MCC: variants seen among roughly 807,000 people sequenced by gnomAD.
MCC encodes the protein colorectal mutant cancer protein.
In MCC, 90 loss-of-function variants were observed where a neutral mutation model predicts 116.2. The observed-to-expected ratio is 0.77, with a 90% CI of 0.65 to 0.92. MCC has a LOEUF of 0.92. Among genes scored for constraint, MCC ranks in the 40% least tolerant of loss-of-function variants. The probability of loss-of-function intolerance (pLI) is 0.00; values close to 1 mark genes in which losing one functional copy is unlikely to be tolerated. For synonymous variants in MCC, 578 were observed against 510.5 expected, an observed-to-expected ratio of 1.13 and a Z score of -1.78; for missense variants, 1,516 against 1,312.2, an observed-to-expected ratio of 1.16 and a Z score of -2.40.
chr5:113,484,222 C>T (rs1772455420), intron 1 of MCC, among the ~76,000 whole-genome samples: 2 of 152,126 alleles, frequency 1.3e-5, no homozygotes, highest in South Asian at 4.2e-4. Flanking sequence ...CAACAAACCC[C>T]CACGACACAA....
chr5:113,484,830 C>T (rs751599392), intron 1 of MCC, among the ~76,000 whole-genome samples: 2 of 152,122 alleles, frequency 1.3e-5, no homozygotes, highest in African/African-American at 2.4e-5. Flanking sequence ...ATAGAGTAAC[C>T]TCCACCACCT....
At chr5:113,287,277 C>A (rs1054794920) in intron 3 of MCC, among the ~76,000 whole-genome samples, 1 of 152,154 alleles carries the variant, frequency 6.6e-6, no homozygotes, top group Non-Finnish European at 1.5e-5. Context: ...ATATAATTTT[C>A]ATTTTCTGTA....
chr5:113,180,018 A>G (rs1173965966), intron 3 of MCC, among the ~76,000 whole-genome samples: 2 of 152,048 alleles, frequency 1.3e-5, no homozygotes, highest in Non-Finnish European at 2.9e-5. Flanking sequence ...TGCCCTAGAG[A>G]TTTCTATTCT....
chr5:113,359,104 C>A (rs1284799346), intron 2 of MCC, among the ~76,000 whole-genome samples: 1 of 152,046 alleles, frequency 6.6e-6, no homozygotes, highest in Non-Finnish European at 1.5e-5. Context: ...GTTCCTTTGC[C>A]CTTTGTCTGT....
Position 113,268,936 on chromosome 5 carries a change from G to C in MCC, c.627+71583C>G, listed in dbSNP as rs181229993. Among the ~76,000 whole-genome samples the C allele has an allele frequency of 2.0e-5, 3 of 152,274 alleles. No homozygotes were observed. In the East Asian group the frequency reaches 5.8e-4, roughly 29 times the overall value. On this transcript the variant is annotated intron_variant, in intron 3 of 18. Transcript: ENST00000408903. ...CACGACAGGAATATTAACGGTGACT[G>C]ATGTTATCTATAAAAGCTAGGCTTT...
At chr5:113,195,011 C>T (rs548516652) in intron 3 of MCC, among the ~76,000 whole-genome samples, 12 of 152,294 alleles carry the variant, frequency 7.9e-5, no homozygotes, top group Admixed American at 2.6e-4. Context: ...CTGAATAGAA[C>T]CAGGCTGCCC....
At chr5:113,129,094 A>G (rs1033053196) in intron 5 of MCC, among the ~76,000 whole-genome samples, 1 of 152,154 alleles carries the variant, frequency 6.6e-6, no homozygotes, top group African/African-American at 2.4e-5. Flanking sequence ...TTTGTAGCAG[A>G]CCCAGTAAGC....
intron 3 of MCC, among the ~76,000 whole-genome samples, chr5:113,169,641 T>C (rs1385815313): frequency 6.6e-6 from 1 of 150,570 alleles, no homozygotes; most frequent in Non-Finnish European, 1.5e-5. Context: ...GGGGTCACAT[T>C]CTGGCCATGG....
chr5:113,300,436 G>C (rs1274285978), intron 3 of MCC, among the ~76,000 whole-genome samples: 1 of 152,216 alleles, frequency 6.6e-6, no homozygotes, highest in Admixed American at 6.5e-5. Flanking sequence ...AAGCAGTCTG[G>C]TTAAACTAAT....
intron 1 of MCC, among the ~76,000 whole-genome samples, chr5:113,395,527 A>G (rs1485047898): frequency 9.8e-5 from 15 of 152,340 alleles, no homozygotes; most frequent in Non-Finnish European, 5.9e-5. Flanking sequence ...ACTGAGCACC[A>G]GGCGTATATG....
chr5:113,487,762 T>C lies in MCC; in HGVS notation c.170+483A>G, dbSNP rs142851050. On this transcript the variant is annotated intron_variant, in intron 1 of 18. Coordinates refer to ENST00000408903, the MANE Select transcript of MCC (RefSeq NM_001085377.2). ...GGGTTCTGCGGCACAAGAAAGTTTCTTCACAGGTTATTTCCCTGTCCGAGG... is the reference window on the plus strand; with the variant it reads ...GGGTTCTGCGGCACAAGAAAGTTTCCTCACAGGTTATTTCCCTGTCCGAGG... 5.9e-5 allele frequency among the ~76,000 whole-genome samples: 9 copies of C among 152,376 alleles called. No homozygotes were observed. In the East Asian group the frequency reaches 1.7e-3, roughly 29 times the overall value.
chr5:113,487,262 T>A (rs1287319768), intron 1 of MCC, among the ~76,000 whole-genome samples: 1 of 152,066 alleles, frequency 6.6e-6, no homozygotes, highest in African/African-American at 2.4e-5. Flanking sequence ...AAACGATCTT[T>A]AGCATCACCA....
At chr5:113,054,070 A>T (rs1195538010) in intron 14 of MCC, 111 bp from the exon 15 acceptor site, 40 of 744,106 alleles carry the variant, frequency 5.4e-5, no homozygotes, top group Non-Finnish European at 8.7e-5. Context: ...TGTTATTTAG[A>T]TGGTAATCCA....
chr5:113,142,446 C>A (rs1364549118), intron 5 of MCC, among the ~76,000 whole-genome samples: 2 of 151,886 alleles, frequency 1.3e-5, no homozygotes, highest in Non-Finnish European at 2.9e-5. Flanking sequence ...ACCAACTAAT[C>A]ACTGTGGCAG....
intron 3 of MCC, among the ~76,000 whole-genome samples, chr5:113,214,921 C>G (rs934941536): frequency 2.6e-5 from 4 of 152,188 alleles, no homozygotes; most frequent in Admixed American, 2.0e-4. Flanking sequence ...CCTGGTTCAG[C>G]CTTACTGGAA....
At chr5:113,190,246 C>T (rs1581227766) in intron 3 of MCC, among the ~76,000 whole-genome samples, 1 of 152,258 alleles carries the variant, frequency 6.6e-6, no homozygotes, top group East Asian at 1.9e-4. Flanking sequence ...TGTTCACAGC[C>T]TGCTCTAAAC....
chr5:113,261,675 A>C (rs1042868727), intron 3 of MCC, among the ~76,000 whole-genome samples: 2 of 152,238 alleles, frequency 1.3e-5, no homozygotes, highest in African/African-American at 4.8e-5. Context: ...TAACTGACAC[A>C]AACAAAAATA....
At chr5:113,076,143 T>C (rs1006431959) in intron 11 of MCC, among the ~76,000 whole-genome samples, 1 of 152,086 alleles carries the variant, frequency 6.6e-6, no homozygotes, top group South Asian at 2.1e-4. Context: ...CCACCAATAC[T>C]GGACACAGGA....
chr5:113,144,044 C>T (rs988492823), intron 4 of MCC, among the ~76,000 whole-genome samples: 17 of 152,158 alleles, frequency 1.1e-4, no homozygotes, highest in Admixed American at 4.6e-4. Context: ...AGCCTAGCAC[C>T]GGCAAATGGC....
Sources: gnomAD v4.1 joint callset for allele counts (sites outside exome capture counted in the v4.1 genomes callset) on GRCh38, gnomAD v4.1.1 for gene constraint, MANE v1.5 for transcripts, NCBI Gene and HGNC (gene_info 2026-07-23, HGNC 2026-07-21) for gene names.